CDKL5: variants seen among roughly 807,000 people sequenced by gnomAD.
CDKL5 encodes the protein cyclin dependent kinase like 5, also known as cyclin-dependent kinase-like 5.
A neutral mutation model predicts 61.7 loss-of-function variants in CDKL5; 8 were observed. The observed-to-expected ratio is 0.13, with a 90% CI of 0.08 to 0.23. The LOEUF (loss-of-function observed/expected upper bound fraction) is 0.23, where lower values mean the gene tolerates loss of function less well. Among genes scored for constraint, CDKL5 ranks in the 10% least tolerant of loss-of-function variants. The pLI is 1.00. For synonymous variants in CDKL5, 275 were observed against 272.3 expected, an observed-to-expected ratio of 1.01 and a Z score of -0.10; for missense variants, 440 against 734.5, an observed-to-expected ratio of 0.60 and a Z score of 4.63.
chrX:18,434,999 A>G, intron 1 of CDKL5, among the ~76,000 whole-genome samples: 2 of 112,322 alleles, frequency 1.8e-5, no homozygotes, highest in East Asian at 5.6e-4. Context: ...GTATTTTGAT[A>G]ATTAAAGTAA....
intron 3 of CDKL5, among the ~76,000 whole-genome samples, chrX:18,551,320 A>G (rs1013886589): frequency 4.5e-5 from 5 of 109,933 alleles, no homozygotes; most frequent in African/African-American, 1.7e-4. Flanking sequence ...TGTGTAAACT[A>G]GCCCTCTTAG....
At chrX:18,652,498 A>C (rs751442613) in intron 21 of CDKL5, among the ~76,000 whole-genome samples, 1 of 111,472 alleles carries the variant, frequency 9.0e-6, no homozygotes, top group Non-Finnish European at 1.9e-5. Flanking sequence ...GTGAAACCCC[A>C]TCTCTACTAA....
At chrX:18,454,243 C>CTT (rs1302159958) in intron 1 of CDKL5, among the ~76,000 whole-genome samples, 1 of 105,628 alleles carries the variant, frequency 9.5e-6, no homozygotes, top group Admixed American at 1.0e-4. Flanking sequence ...TTTCTTCTTT[C>CTT]TTTTTTTTTT....
intron 1 of CDKL5, among the ~76,000 whole-genome samples, chrX:18,472,504 C>G (rs1184791809): frequency 1.8e-5 from 2 of 111,714 alleles, no homozygotes; most frequent in Non-Finnish European, 3.8e-5. Flanking sequence ...CCCAAGCATG[C>G]CATAAGACAT....
At chrX:18,551,066 T>C (rs889777450) in intron 3 of CDKL5, among the ~76,000 whole-genome samples, 5 of 112,344 alleles carry the variant, frequency 4.5e-5, no homozygotes, top group African/African-American at 1.6e-4. Context: ...CTCTTTCCAT[T>C]GAAAATTGTT....
At chrX:18,438,505 A>T (rs1931659252) in intron 1 of CDKL5, among the ~76,000 whole-genome samples, 1 of 108,987 alleles carries the variant, frequency 9.2e-6, no homozygotes, top group Non-Finnish European at 1.9e-5. Flanking sequence ...AAAGACAAGG[A>T]TCTGGCTGGC....
intron 3 of CDKL5, chrX:18,535,865 C>G (rs1278595257): frequency 8.9e-6 from 1 of 112,653 alleles, no homozygotes; most frequent in African/African-American, 3.3e-5. Flanking sequence ...TCCACCATGT[C>G]CCCTCCTGGG....
chrX:18,594,936 AC>A (rs1342336564), intron 9 of CDKL5, among the ~76,000 whole-genome samples: 2 of 111,947 alleles, frequency 1.8e-5, no homozygotes, highest in African/African-American at 6.5e-5. Context: ...TAATCCCAGC[AC>A]TTTGGGAGGC....
intron 1 of CDKL5, among the ~76,000 whole-genome samples, chrX:18,499,506 G>C (rs1431408438): frequency 9.2e-6 from 1 of 109,227 alleles, no homozygotes; most frequent in Admixed American, 9.8e-5. Context: ...GACTACAGGC[G>C]CCCACCACAA....
chrX:18,446,053 A>G (rs1931868261), intron 1 of CDKL5, among the ~76,000 whole-genome samples: 2 of 109,848 alleles, frequency 1.8e-5, no homozygotes, highest in Non-Finnish European at 3.8e-5. Flanking sequence ...ATCAGGAAGT[A>G]GTTCTACCAG....
At chrX:18,446,871 C>T (rs1395442596) in intron 1 of CDKL5, among the ~76,000 whole-genome samples, 1 of 112,168 alleles carries the variant, frequency 8.9e-6, no homozygotes, top group Non-Finnish European at 1.9e-5. Context: ...ACCAGTTTGT[C>T]ATCCCTGCTT....
chrX:18,619,947 A>T lies in CDKL5; in HGVS notation c.2357A>T (p.Lys786Ile). The change falls in exon 16 of 18, where the codon AAA (lysine) becomes ATA (isoleucine). Residue 786 changes from lysine to isoleucine, a missense_variant. Lys to Ile is a moderately radical substitution (Grantham distance 102). Coordinates refer to ENST00000623535, the MANE Select transcript of CDKL5 (RefSeq NM_001323289.2). The stretch of plus-strand genomic sequence containing the variant: ...GGATTTTTCAGGTCAATGAAAAAGA[A>T]AAAGAAGAAATCTCAAACAGTAAGT... The part of the protein sequence containing the change: ...KQGFFRSMKK[K>I]KKKSQTVPNS... 1 of 1,178,751 alleles carries T rather than the reference A, an allele frequency of 8.5e-7. No homozygotes were observed. The highest frequency in any genetic ancestry group is 1.2e-6 in the Non-Finnish European group (1 of 866,489).
intron 9 of CDKL5, among the ~76,000 whole-genome samples, chrX:18,592,795 A>G (rs1008162623): frequency 3.6e-5 from 4 of 112,357 alleles, no homozygotes; most frequent in African/African-American, 6.5e-5. Context: ...GCTGTGCACC[A>G]TGGACTCACC....
intron 3 of CDKL5, among the ~76,000 whole-genome samples, chrX:18,561,962 A>G (rs1179468639): frequency 5.4e-5 from 6 of 111,868 alleles, no homozygotes; most frequent in Non-Finnish European, 1.1e-4. Context: ...AAACTTGACT[A>G]TGTAATAATT....
rs77455267 is a variant in CDKL5, at chrX:18,632,227, G to T, written c.*3470G>T. 0.028 allele frequency: 21,110 copies of T among 751,911 alleles called. 1,830 individuals carry two copies. In the African/African-American group the frequency reaches 0.32, roughly 11 times the overall value. 62.0% of individuals were successfully genotyped at this position (751,911 alleles called of 1,213,427 possible). A position where few individuals can be genotyped will look rare whatever the true frequency, so the allele number is the denominator to read the frequency against. ...TCTCTTAAGAGTCTTCAACCACTATGCCTGAATCCTTGGAATCCTATTGTT... is the reference window on the plus strand; with the variant it reads ...TCTCTTAAGAGTCTTCAACCACTATTCCTGAATCCTTGGAATCCTATTGTT... On this transcript the variant is annotated 3_prime_UTR_variant, in exon 18 of 18. Transcript: ENST00000623535.
At chrX:18,454,143 A>G (rs1932085926) in intron 1 of CDKL5, among the ~76,000 whole-genome samples, 2 of 111,770 alleles carry the variant, frequency 1.8e-5, no homozygotes, top group South Asian at 7.4e-4. Flanking sequence ...TGGAGTCCAT[A>G]ATTGGAAAAT....
chrX:18,626,226 C>A (rs749537689), intron 17 of CDKL5, among the ~76,000 whole-genome samples: 1 of 110,457 alleles, frequency 9.1e-6, no homozygotes, highest in East Asian at 2.9e-4. Context: ...CACCACCACA[C>A]CTGGCTAATT....
In CDKL5 at chrX:18,625,122, C is replaced by T. The variant is rs751517289; in HGVS notation, c.2377-6C>T. 8.3e-7 allele frequency: 1 copy of T among 1,206,546 alleles called. No individual in the cohort carries two copies. The highest frequency in any genetic ancestry group is 3.0e-5 in the East Asian group (1 of 33,791). ...TTATTGAATGCTTGTCCATATTTTG[C>T]TCTAGGTACCCAATTCCGACAGCCC... On this transcript the variant is annotated splice_region_variant and splice_polypyrimidine_tract_variant and intron_variant, in intron 16 of 17. Transcript: ENST00000623535.
intron 1 of CDKL5, among the ~76,000 whole-genome samples, chrX:18,473,493 T>C (rs1366918295): frequency 9.1e-6 from 1 of 110,085 alleles, no homozygotes; most frequent in Admixed American, 9.8e-5. Context: ...TTAAATCTTG[T>C]CCAGTAGGAT....
Sources: allele counts gnomAD v4.1 joint callset (sites outside exome capture counted in the v4.1 genomes callset), GRCh38; gene constraint gnomAD v4.1.1; transcripts MANE v1.5; gene names NCBI Gene and HGNC (gene_info 2026-07-23, HGNC 2026-07-21).